The following PRKN variants were observed in gnomAD, a reference collection of about 807,000 sequenced individuals.
PRKN encodes the protein E3 ubiquitin-protein ligase parkin.
PRKN carries 56 observed loss-of-function variants against 59.5 expected under a neutral mutation model. That is an observed-to-expected ratio of 0.94 (90% confidence interval 0.76 to 1.18). The LOEUF (loss-of-function observed/expected upper bound fraction) is 1.18, where lower values mean the gene tolerates loss of function less well. PRKN is among the 50% of genes most tolerant of loss of function. The probability of loss-of-function intolerance (pLI) is 0.00; values close to 1 mark genes in which losing one functional copy is unlikely to be tolerated. For synonymous variants in PRKN, 250 were observed against 222.1 expected (o/e 1.13, Z -1.12); for missense variants, 657 against 596.4 (o/e 1.10, Z -1.06).
chr6:161,709,256 G>A (rs1394200638), intron 7 of PRKN, among the ~76,000 whole-genome samples: 1 of 152,120 alleles, frequency 6.6e-6, no homozygotes, highest in Non-Finnish European at 1.5e-5. Flanking sequence ...ATAATTTAAA[G>A]TTTCTCACTT....
rs58329767 is a variant in PRKN at position 161,551,289 on chromosome 6, G to A, written c.934-2286C>T. Among the ~76,000 whole-genome samples, 575 of 152,296 alleles carry A rather than the reference G, an allele frequency of 3.8e-3. 10 individuals carry two copies. In the East Asian group the frequency reaches 0.06, roughly 16 times the overall value. ...ATGCCAAGGAAGGACCTGGGGAGGC[G>A]CGCTGGCGACCTGAACGTCTCCAGG... is the stretch of plus-strand genomic sequence containing the variant. On this transcript the variant is annotated intron_variant, in intron 8 of 11. Coordinates refer to ENST00000366898, the MANE Select transcript of PRKN (RefSeq NM_004562.3). This position sits in a 1 kb window ranked among gnomAD's most constrained non-coding sequence, Gnocchi z 5.2.
intron 2 of PRKN, among the ~76,000 whole-genome samples, chr6:162,345,134 G>A (rs894644679): frequency 6.6e-6 from 1 of 152,248 alleles, no homozygotes; most frequent in Non-Finnish European, 1.5e-5. Context: ...TGAAGACCAC[G>A]CCTGGAATAA....
chr6:161,698,196 A>G (rs1786101371), intron 7 of PRKN, among the ~76,000 whole-genome samples: 2 of 152,186 alleles, frequency 1.3e-5, no homozygotes, highest in Admixed American at 1.3e-4. Flanking sequence ...TGTCAACAAC[A>G]TGCAAAAAAA....
At chr6:162,120,767 A>G (rs935054603) in intron 4 of PRKN, among the ~76,000 whole-genome samples, 1 of 152,300 alleles carries the variant, frequency 6.6e-6, no homozygotes, top group South Asian at 2.1e-4. Flanking sequence ...TGACCTTCCT[A>G]CCAGAGGATG....
chr6:161,718,230 G>T (rs1787069311), intron 7 of PRKN, among the ~76,000 whole-genome samples: 1 of 152,110 alleles, frequency 6.6e-6, no homozygotes, highest in Admixed American at 6.5e-5. Context: ...GGGAAGAGAG[G>T]TTTCACACAT....
intron 9 of PRKN, among the ~76,000 whole-genome samples, chr6:161,408,778 C>T (rs1424856941): frequency 6.6e-6 from 1 of 152,018 alleles, no homozygotes; most frequent in African/African-American, 2.4e-5. Context: ...AAAGAATCCA[C>T]AATGACATCT....
intron 2 of PRKN, among the ~76,000 whole-genome samples, chr6:162,348,651 T>C (rs1458496372): frequency 2.6e-5 from 4 of 152,188 alleles, no homozygotes; most frequent in African/African-American, 4.8e-5. Flanking sequence ...AAGTCTCCTA[T>C]GGTTTTGTTG....
chr6:161,460,112 A>G lies in PRKN; in HGVS notation c.1084-73235T>C, dbSNP rs1790137476. 6.6e-6 allele frequency among the ~76,000 whole-genome samples: 1 copy of G among 152,210 alleles called. No homozygotes were observed. Among genetic ancestry groups the G allele is most frequent in the Non-Finnish European group, 1.5e-5 (1 of 68,040 alleles). ...GCAGGAATAGTACGAACAAATATAA[A>G]CAGCAATTGATCCTACCCTCAATAA... On this transcript the variant is annotated intron_variant, in intron 9 of 11. Coordinates refer to ENST00000366898, the MANE Select transcript of PRKN (RefSeq NM_004562.3). The surrounding 1 kb of genome is among the most constrained non-coding windows in gnomAD (Gnocchi z 5.0).
At chr6:162,219,867 G>T (rs1340382119) in intron 3 of PRKN, among the ~76,000 whole-genome samples, 1 of 152,120 alleles carries the variant, frequency 6.6e-6, no homozygotes. Flanking sequence ...ATGTACAGTT[G>T]CTCCCTTGTA....
intron 1 of PRKN, among the ~76,000 whole-genome samples, chr6:162,469,745 G>C (rs1210715336): frequency 6.6e-6 from 1 of 152,070 alleles, no homozygotes; most frequent in East Asian, 1.9e-4. Flanking sequence ...GATGGGAAGG[G>C]GGTGAGGGAT....
In PRKN at chr6:161,867,570, T is replaced by C. The variant is rs572904647; in HGVS notation, c.735-81662A>G. ...AAACATGAAAAGATGATGATGAAAA[T>C]AGAAAAAAGGTGGTAATGATGATGT... On this transcript the variant is annotated intron_variant, in intron 6 of 11. Transcript: ENST00000366898. Among the ~76,000 whole-genome samples the C allele has an allele frequency of 1.6e-4, 25 of 151,742 alleles. No individual in the cohort carries two copies. In the East Asian group the frequency reaches 1.9e-3, roughly 12 times the overall value.
chr6:162,472,586 C>T (rs1240183725), intron 1 of PRKN, among the ~76,000 whole-genome samples: 1 of 130,422 alleles, frequency 7.7e-6, no homozygotes, highest in African/African-American at 2.7e-5. Context: ...TTCCCGGGTT[C>T]ACGCCATTCT....
At chr6:161,443,383 AC>A (rs1789337308) in intron 9 of PRKN, among the ~76,000 whole-genome samples, 1 of 151,964 alleles carries the variant, frequency 6.6e-6, no homozygotes, top group South Asian at 2.1e-4. Context: ...ACTGTGACTT[AC>A]CACATGCCCT....
intron 1 of PRKN, among the ~76,000 whole-genome samples, chr6:162,504,155 A>G (rs1793503609): frequency 6.6e-6 from 1 of 152,162 alleles, no homozygotes; most frequent in Admixed American, 6.6e-5. Flanking sequence ...GGGAAGGCCA[A>G]CCCGGAGTGG....
chr6:161,886,007 G>A (rs912540976), intron 6 of PRKN, among the ~76,000 whole-genome samples: 2 of 152,072 alleles, frequency 1.3e-5, no homozygotes, highest in Non-Finnish European at 2.9e-5. Context: ...AAATGCTCTA[G>A]GTTTAACAAA....
At chr6:162,191,120 A>C (rs1784260914) in intron 4 of PRKN, among the ~76,000 whole-genome samples, 1 of 152,184 alleles carries the variant, frequency 6.6e-6, no homozygotes, top group African/African-American at 2.4e-5. Flanking sequence ...GAAACTGATG[A>C]GTTCAGGAAA....
chr6:162,218,205 C>T (rs1034447790), intron 3 of PRKN, among the ~76,000 whole-genome samples: 1 of 152,196 alleles, frequency 6.6e-6, no homozygotes, highest in Admixed American at 6.5e-5. Context: ...GCTGACCAGG[C>T]CGCTCCCTGC....
chr6:162,403,205 C>A (rs1371035868), intron 2 of PRKN, among the ~76,000 whole-genome samples: 1 of 152,132 alleles, frequency 6.6e-6, no homozygotes, highest in Non-Finnish European at 1.5e-5. Flanking sequence ...CGCCTTTCGT[C>A]ACTTGTAGCT....
At chr6:162,656,097 G>A (rs2128227395) in intron 1 of PRKN, among the ~76,000 whole-genome samples, 1 of 152,158 alleles carries the variant, frequency 6.6e-6, no homozygotes, top group East Asian at 1.9e-4. Context: ...GGACTAAATG[G>A]CACAAAGTAG....
Sources: gnomAD v4.1 joint callset for allele counts (sites outside exome capture counted in the v4.1 genomes callset) on GRCh38, gnomAD v4.1.1 for gene constraint, Gnocchi (gnomAD v3.1) non-coding constraint, MANE v1.5 for transcripts, NCBI Gene and HGNC (gene_info 2026-07-23, HGNC 2026-07-21) for gene names.